PTPRN2: variants seen among roughly 807,000 people sequenced by gnomAD.
PTPRN2 encodes protein tyrosine phosphatase receptor type N2, also known as receptor-type tyrosine-protein phosphatase N2.
Under a neutral mutation model 118.8 loss-of-function variants are expected in PTPRN2, and 74 were observed. The ratio of observed to expected loss-of-function variants is 0.62; its 90% CI spans 0.52 to 0.76. PTPRN2 has a LOEUF of 0.76. Ranked by LOEUF, PTPRN2 falls within the 30% of genes least tolerant of loss-of-function variation. PTPRN2 has a pLI of 0.00. For missense variants in PTPRN2, 1,481 were observed against 1,394.4 expected, an observed-to-expected ratio of 1.06 and a Z score of -0.99; for synonymous variants, 641 against 608.0, an observed-to-expected ratio of 1.05 and a Z score of -0.80.
intron 14 of PTPRN2, among the ~76,000 whole-genome samples, chr7:157,642,271 C>T (rs1804717957): frequency 1.3e-5 from 2 of 152,222 alleles, no homozygotes; most frequent in African/African-American, 2.4e-5. Context: ...GCCCAGGAGC[C>T]GTGCTGAGGA....
At chr7:158,561,827 C>G (rs1037348026) in intron 1 of PTPRN2, among the ~76,000 whole-genome samples, 1 of 152,188 alleles carries the variant, frequency 6.6e-6, no homozygotes, top group South Asian at 2.1e-4. Context: ...GTGCCACCCC[C>G]CACAGTAGCA....
chr7:157,995,299 G>C (rs1804638332), intron 11 of PTPRN2, among the ~76,000 whole-genome samples: 1 of 150,172 alleles, frequency 6.7e-6, no homozygotes. Flanking sequence ...CGCATCCCCA[G>C]CTTATAGCTC....
At position 157,869,926 on chromosome 7, in the gene PTPRN2, C is replaced by A. The variant is rs990394981; in HGVS notation, c.1788+28747G>T. On this transcript the variant is annotated intron_variant, in intron 12 of 22. Coordinates refer to ENST00000389418, the MANE Select transcript of PTPRN2 (RefSeq NM_002847.5). The surrounding 1 kb of genome is among the most constrained non-coding windows in gnomAD (Gnocchi z 4.2). ...GCATCCCAACATCTACTGCCATGAC[C>A]TTTGCTCTTGATCAGTCTGCTGTTG... Among the ~76,000 whole-genome samples, 2 of 152,166 alleles carry A rather than the reference C, an allele frequency of 1.3e-5. No homozygotes were observed. Among genetic ancestry groups the A allele is most frequent in the Non-Finnish European group, 2.9e-5 (2 of 68,026 alleles).
chr7:157,618,217 A>T lies in PTPRN2; in HGVS notation c.2344+3145T>A, dbSNP rs1177749325. 1 of 152,184 alleles carries T rather than the reference A, an allele frequency of 6.6e-6. No individual in the cohort carries two copies. Among genetic ancestry groups the T allele is most frequent in the East Asian group, 1.9e-4 (1 of 5,180 alleles). The allele number at this position is 152,184 out of a possible 1,614,324, so 9.4% of individuals were successfully genotyped here. ...CTCCATGGGGAAGGCGGGGCATGAG[A>T]GAAGGGAGGGGTGGTCCCGAGGACC... is the stretch of plus-strand genomic sequence containing the variant. On this transcript the variant is annotated intron_variant, in intron 15 of 22. Transcript: ENST00000389418. The surrounding 1 kb of genome is among the most constrained non-coding windows in gnomAD (Gnocchi z 4.2).
chr7:158,032,995 AT>A (rs57380452), intron 11 of PTPRN2, among the ~76,000 whole-genome samples: 135 of 151,290 alleles, frequency 8.9e-4, no homozygotes, highest in African/African-American at 2.7e-3. Context: ...TTACCCAGTA[AT>A]TTTTTTTTTC....
chr7:158,024,568 T>C (rs1254806727), intron 11 of PTPRN2, among the ~76,000 whole-genome samples: 3 of 152,226 alleles, frequency 2.0e-5, no homozygotes, highest in Admixed American at 1.3e-4. Flanking sequence ...CACAAGGTCA[T>C]AGGCATTGTA....
chr7:158,274,429 G>GGC (rs1210412398), intron 3 of PTPRN2, among the ~76,000 whole-genome samples: 2 of 123,776 alleles, frequency 1.6e-5, no homozygotes, highest in African/African-American at 6.3e-5. Context: ...GCCGCAGACA[G>GGC]ACATGGGAGG....
At chr7:157,558,268 C>A (rs757494760) in intron 21 of PTPRN2, among the ~76,000 whole-genome samples, 1 of 152,072 alleles carries the variant, frequency 6.6e-6, no homozygotes, top group Non-Finnish European at 1.5e-5. Context: ...GCAAACGCAG[C>A]GTCTGTGCTG....
chr7:157,833,618 G>A (rs763372097), intron 12 of PTPRN2, among the ~76,000 whole-genome samples: 73 of 152,318 alleles, frequency 4.8e-4, no homozygotes, highest in Non-Finnish European at 6.6e-4. Flanking sequence ...TGACGTGGCC[G>A]GAGCCCATCC....
rs1197142034 is a variant in PTPRN2, at chr7:158,162,986, C to T, written c.910+3945G>A. Among the ~76,000 whole-genome samples the T allele has an allele frequency of 2.6e-5, 4 of 152,178 alleles. No individual in the cohort carries two copies. The East Asian group carries it at 7.7e-4, about 29-fold the overall frequency. On this transcript the variant is annotated intron_variant, in intron 6 of 22. Coordinates refer to ENST00000389418, the MANE Select transcript of PTPRN2 (RefSeq NM_002847.5). ...CTGTTCCCTGGCATTATCACAGGGT[C>T]CTCCCTTCCTGCTCGGGTGCAGTTG...
In PTPRN2 at chr7:158,277,146, CGCACATACACGT is replaced by C. The variant is rs749610342; in HGVS notation, c.277+39661_277+39672del. On this transcript the variant is annotated intron_variant, in intron 3 of 22. Transcript: ENST00000389418. ...ACACGTGCCCGCACACGCACACACGCGCACATACACGTGCACATAAACATGCTCTTCTCACGT... is the reference window on the plus strand; with the variant it reads ...ACACGTGCCCGCACACGCACACACGCGCACATAAACATGCTCTTCTCACGT... Among the ~76,000 whole-genome samples, 482 of 152,348 alleles carry C rather than the reference CGCACATACACGT, an allele frequency of 3.2e-3. 1 individual carries two copies. Among genetic ancestry groups the C allele is most frequent in the Non-Finnish European group, 5.4e-3 (370 of 68,030 alleles).
intron 11 of PTPRN2, among the ~76,000 whole-genome samples, chr7:157,937,550 C>T (rs544243243): frequency 6.6e-6 from 1 of 152,222 alleles, no homozygotes; most frequent in Non-Finnish European, 1.5e-5. Flanking sequence ...ATGTCTCTCA[C>T]AATAGCGCTC....
At chr7:158,072,769 G>T (rs1275058340) in intron 11 of PTPRN2, among the ~76,000 whole-genome samples, 1 of 152,224 alleles carries the variant, frequency 6.6e-6, no homozygotes, top group African/African-American at 2.4e-5. Flanking sequence ...CAGCTGCTGT[G>T]TAGCCCTGTA....
At chr7:158,189,923 G>C (rs1310749062) in intron 5 of PTPRN2, among the ~76,000 whole-genome samples, 1 of 152,214 alleles carries the variant, frequency 6.6e-6, no homozygotes, top group African/African-American at 2.4e-5. Flanking sequence ...AGAAATGCCA[G>C]TTTCCACCGT....
intron 21 of PTPRN2, among the ~76,000 whole-genome samples, chr7:157,554,910 T>C (rs777618420): frequency 3.3e-5 from 5 of 149,254 alleles, no homozygotes; most frequent in Non-Finnish European, 5.9e-5. Flanking sequence ...GAGTTGTCCA[T>C]GTCGGGAATC....
At chr7:158,367,010 G>T (rs929724133) in intron 2 of PTPRN2, among the ~76,000 whole-genome samples, 2 of 152,194 alleles carry the variant, frequency 1.3e-5, no homozygotes, top group African/African-American at 2.4e-5. Flanking sequence ...TAGCTTAGGG[G>T]TTCAGGGGAG....
At chr7:157,982,481 AG>A (rs1404321127) in intron 11 of PTPRN2, among the ~76,000 whole-genome samples, 2 of 124,838 alleles carry the variant, frequency 1.6e-5, no homozygotes, top group African/African-American at 6.2e-5. Context: ...CATAGAGATG[AG>A]GAGGGGAATG....
chr7:158,544,515 G>C lies in PTPRN2; in HGVS notation c.112+43043C>G, dbSNP rs1204650477. ...TAGCCTGGTGTGGTGGCACATGCCTGTAATCACAGCTACTTGGGATGCTGA... is the reference window on the plus strand; with the variant it reads ...TAGCCTGGTGTGGTGGCACATGCCTCTAATCACAGCTACTTGGGATGCTGA... On this transcript the variant is annotated intron_variant, in intron 1 of 22. Coordinates refer to ENST00000389418, the MANE Select transcript of PTPRN2 (RefSeq NM_002847.5). This position sits in a 1 kb window ranked among gnomAD's most constrained non-coding sequence, Gnocchi z 4.2. 6.6e-6 allele frequency among the ~76,000 whole-genome samples: 1 copy of C among 152,054 alleles called. No homozygotes were observed. Among genetic ancestry groups the C allele is most frequent in the Non-Finnish European group, 1.5e-5 (1 of 68,022 alleles).
At chr7:158,405,431 C>T (rs921878693) in intron 2 of PTPRN2, among the ~76,000 whole-genome samples, 5 of 152,228 alleles carry the variant, frequency 3.3e-5, no homozygotes, top group African/African-American at 1.2e-4. Context: ...CTTTCACAAA[C>T]AGCCCCCTGG....
Sources: allele counts gnomAD v4.1 joint callset (sites outside exome capture counted in the v4.1 genomes callset), GRCh38; gene constraint gnomAD v4.1.1; non-coding constraint Gnocchi (gnomAD v3.1); transcripts MANE v1.5; gene names NCBI Gene and HGNC (gene_info 2026-07-23, HGNC 2026-07-21).